The following TLR7 variants were observed in gnomAD, a reference collection of about 807,000 sequenced individuals.
TLR7 encodes toll like receptor 7.
A neutral mutation model predicts 38.3 loss-of-function variants in TLR7; 12 were observed. That is an observed-to-expected ratio of 0.31 (90% confidence interval 0.20 to 0.51). The LOEUF is 0.51. Ranked by LOEUF, TLR7 falls within the 20% of genes least tolerant of loss-of-function variation. TLR7 has a pLI of 0.98. For synonymous variants in TLR7, 285 were observed against 293.8 expected (o/e 0.97, Z 0.31); for missense variants, 504 against 743.4 (o/e 0.68, Z 3.74).
intron 2 of TLR7, among the ~76,000 whole-genome samples, chrX:12,879,019 T>C (rs2042882483): frequency 8.9e-6 from 1 of 111,919 alleles, no homozygotes; most frequent in African/African-American, 3.2e-5. Context: ...AAGTGTAGAG[T>C]TGCAGCCAGA....
Position 12,875,093 on chromosome X carries a change from T to G in TLR7, c.3+7512T>G, listed in dbSNP as rs143450751. ...TCAGTCCTGCCATCAAAATAGTGCA[T>G]CCAGGTGGATAGGTTTTGCCACCTT... On this transcript the variant is annotated intron_variant, in intron 2 of 2. Coordinates refer to ENST00000380659, the MANE Select transcript of TLR7 (RefSeq NM_016562.4). 6.9e-4 allele frequency among the ~76,000 whole-genome samples: 77 copies of G among 111,519 alleles called. 1 individual carries two copies. The highest frequency in any genetic ancestry group is 2.5e-3 in the African/African-American group (76 of 30,652).
intron 2 of TLR7, among the ~76,000 whole-genome samples, chrX:12,869,264 C>T (rs192711156): frequency 2.2e-4 from 25 of 111,715 alleles, no homozygotes; most frequent in African/African-American, 5.2e-4. Flanking sequence ...CAAAAAAGCA[C>T]AGGGAAAATA....
At chrX:12,871,418 A>G (rs935430485) in intron 2 of TLR7, among the ~76,000 whole-genome samples, 10 of 111,871 alleles carry the variant, frequency 8.9e-5, no homozygotes, top group Non-Finnish European at 1.3e-4. Flanking sequence ...TGATATAAAC[A>G]TGGCAAAAAG....
intron 2 of TLR7, among the ~76,000 whole-genome samples, chrX:12,874,885 A>G (rs893707450): frequency 2.7e-5 from 3 of 111,920 alleles, no homozygotes; most frequent in African/African-American, 9.7e-5. Context: ...GCAACCAGAC[A>G]TCTCTTACAA....
chrX:12,877,565 G>C (rs763422139), intron 2 of TLR7: 7 of 110,648 alleles, frequency 6.3e-5, no homozygotes, highest in Non-Finnish European at 1.1e-4. Context: ...AGCATTCCAA[G>C]GGTCAGTGGG....
chrX:12,884,666 G>A (rs965891846), intron 2 of TLR7, among the ~76,000 whole-genome samples: 1 of 111,959 alleles, frequency 8.9e-6, no homozygotes, highest in Non-Finnish European at 1.9e-5. Context: ...CAGACTCTTG[G>A]TTTATGCCTA....
intron 2 of TLR7, among the ~76,000 whole-genome samples, chrX:12,884,409 A>G (rs1283779173): frequency 8.9e-6 from 1 of 112,403 alleles, no homozygotes; most frequent in Non-Finnish European, 1.9e-5. Context: ...CGTAAGTACT[A>G]AACTAAAACC....
chrX:12,887,411 T>C lies in TLR7; in HGVS notation c.1903T>C (p.Trp635Arg). 2 of 1,210,141 alleles carry C rather than the reference T, an allele frequency of 1.7e-6. No homozygotes were observed. The highest frequency in any genetic ancestry group is 2.2e-6 in the Non-Finnish European group (2 of 894,048). Residue 635 changes from tryptophan (W) to arginine (R), a missense_variant, in exon 3 of 3, where the codon TGG becomes CGG. Transcript: ENST00000380659. Reference sequence around the variant, plus strand: ...CAGAGGAAATCACTTAGATGTTTTATGGAGAGAAGGTGATAACAGATACTT... The same window carrying C: ...CAGAGGAAATCACTTAGATGTTTTACGGAGAGAAGGTGATAACAGATACTT... Reference protein sequence around the residue: ...EFRGNHLDVLWREGDNRYLQL... With the variant: ...EFRGNHLDVLRREGDNRYLQL...
At chrX:12,880,757 C>G (rs1235536512) in intron 2 of TLR7, among the ~76,000 whole-genome samples, 1 of 111,634 alleles carries the variant, frequency 9.0e-6, no homozygotes, top group Non-Finnish European at 1.9e-5. Context: ...GAGGCCCTAC[C>G]CTCTTGCAGC....
chrX:12,876,699 C>T (rs1340466225), intron 2 of TLR7, among the ~76,000 whole-genome samples: 4 of 111,977 alleles, frequency 3.6e-5, no homozygotes, highest in Non-Finnish European at 7.5e-5. Flanking sequence ...TCCATTTTAA[C>T]TAAAGAGACG....
chrX:12,882,453 G>A lies in TLR7; in HGVS notation c.4-3059G>A, dbSNP rs114054667. Among the ~76,000 whole-genome samples the A allele has an allele frequency of 5.7e-3, 628 of 109,680 alleles. 2 individuals are homozygous for A. The highest frequency in any genetic ancestry group is 9.8e-3 in the Non-Finnish European group (516 of 52,621). On this transcript the variant is annotated intron_variant, in intron 2 of 2. Coordinates refer to ENST00000380659, the MANE Select transcript of TLR7 (RefSeq NM_016562.4). The stretch of plus-strand genomic sequence containing the variant: ...GAGAAAAAAGTTTAGAAATAAGTGG[G>A]GGGCGGGGGAGGTTTTCTGATTAAT...
chrX:12,881,452 G>GTTAT (rs2042891307), intron 2 of TLR7, among the ~76,000 whole-genome samples: 1 of 103,888 alleles, frequency 9.6e-6, no homozygotes, highest in African/African-American at 3.5e-5. Context: ...TAATAAATGA[G>GTTAT]TTATTCTTTT....
chrX:12,868,142 T>C (rs2042840164), intron 2 of TLR7, among the ~76,000 whole-genome samples: 1 of 111,877 alleles, frequency 8.9e-6, no homozygotes, highest in Non-Finnish European at 1.9e-5. Flanking sequence ...CAAAGACCAG[T>C]AAAGATTTCT....
At chrX:12,873,818 T>C (rs1366729159) in intron 2 of TLR7, among the ~76,000 whole-genome samples, 1 of 112,205 alleles carries the variant, frequency 8.9e-6, no homozygotes, top group Non-Finnish European at 1.9e-5. Flanking sequence ...AAATCCCCTT[T>C]ATTTTTTGTA....
intron 2 of TLR7, among the ~76,000 whole-genome samples, chrX:12,876,930 A>G (rs2042873032): frequency 9.0e-6 from 1 of 111,204 alleles, no homozygotes; most frequent in African/African-American, 3.3e-5. Context: ...ACAAATAAAA[A>G]AAAAAAAACC....
Position 12,886,420 on chromosome X carries a change from T to A in TLR7, c.912T>A (p.His304Gln). Residue 304 changes from histidine to glutamine, a missense_variant, in exon 3 of 3, where the codon CAT becomes CAA. Physicochemically the swap from His to Gln is conservative, Grantham distance 24. Transcript: ENST00000380659. ...VLRLHSNSLQ[H>Q]VPPRWFKNIN... is the part of the protein sequence containing the mutation. ...GTCTACACAGTAACTCTCTTCAGCA[T>A]GTGCCCCCAAGATGGTTTAAGAACA... is the stretch of plus-strand genomic sequence containing the variant. 8.3e-7 allele frequency: 1 copy of A among 1,212,077 alleles called. No homozygotes were observed. Among genetic ancestry groups the A allele is most frequent in the Non-Finnish European group, 1.1e-6 (1 of 895,427 alleles).
chrX:12,882,430 G>GA (rs1381920560), intron 2 of TLR7, among the ~76,000 whole-genome samples: 1 of 108,488 alleles, frequency 9.2e-6, no homozygotes, highest in Non-Finnish European at 1.9e-5. Context: ...ACAGGTGCGA[G>GA]AAAAAAGTTT....
chrX:12,881,543 AAATG>A (rs1248423500), intron 2 of TLR7, among the ~76,000 whole-genome samples: 2 of 98,528 alleles, frequency 2.0e-5, no homozygotes, highest in Non-Finnish European at 3.8e-5. Context: ...AATAAATAAT[AAATG>A]AGTTATTTAT....
chrX:12,887,972 G>C lies in TLR7; in HGVS notation c.2464G>C (p.Gly822Arg). The C allele has an allele frequency of 1.7e-6, 2 of 1,211,406 alleles. No homozygotes were observed. The highest frequency in any genetic ancestry group is 2.2e-6 in the Non-Finnish European group (2 of 895,286). ...VTCVGPGAHKGQSVISLDLYT... is the reference protein window; with the variant it reads ...VTCVGPGAHKRQSVISLDLYT... ...TTGTGTGGGGCCAGGAGCACACAAG[G>C]GCCAAAGTGTGATCTCCCTGGATCT... is the stretch of plus-strand genomic sequence containing the variant. Residue 822 changes from glycine to arginine, a missense_variant, in exon 3 of 3, where the codon GGC (glycine) becomes CGC (arginine). Physicochemically the swap from Gly to Arg is moderately radical, Grantham distance 125 (BLOSUM62 -2). Coordinates refer to ENST00000380659, the MANE Select transcript of TLR7 (RefSeq NM_016562.4).
Sources: gnomAD v4.1 joint callset for allele counts (sites outside exome capture counted in the v4.1 genomes callset) on GRCh38, gnomAD v4.1.1 for gene constraint, MANE v1.5 for transcripts, NCBI Gene and HGNC (gene_info 2026-07-23, HGNC 2026-07-21) for gene names.